The following PCDHGB2 variants were observed in gnomAD, a reference collection of about 807,000 sequenced individuals.
PCDHGB2 encodes protocadherin gamma-B2.
Under a neutral mutation model 59.3 loss-of-function variants are expected in PCDHGB2, and 55 were observed. The observed-to-expected ratio is 0.93, with a 90% confidence interval of 0.75 to 1.16. The LOEUF is 1.16. Ranked by LOEUF, PCDHGB2 falls within the 50% of genes most tolerant of loss-of-function variation. PCDHGB2 has a pLI of 0.00. For missense variants in PCDHGB2, 1,228 were observed against 1,198.5 expected, an observed-to-expected ratio of 1.02 and a Z score of -0.36; for synonymous variants, 516 against 512.0, an observed-to-expected ratio of 1.01 and a Z score of -0.11.
intron 1 of PCDHGB2, chr5:141,399,617 T>G: frequency 6.2e-7 from 1 of 1,613,944 alleles, no homozygotes; most frequent in Non-Finnish European, 8.5e-7. Flanking sequence ...CCTCTGGCAC[T>G]GGCCTCTTAC....
At position 141,477,843 on chromosome 5, in the gene PCDHGB2, C is replaced by T; in HGVS notation, c.2422-16964C>T. The T allele has an allele frequency of 6.2e-7, 1 of 1,613,408 alleles. No homozygotes were observed. Among genetic ancestry groups the T allele is most frequent in the Non-Finnish European group, 8.5e-7 (1 of 1,179,796 alleles). On this transcript the variant is annotated intron_variant, in intron 1 of 3. Coordinates refer to ENST00000522605, the MANE Select transcript of PCDHGB2 (RefSeq NM_018923.3). The surrounding 1 kb of genome is among the most constrained non-coding windows in gnomAD (Gnocchi z 4.9). Reference sequence around the variant, plus strand: ...CTATATCCTCGGCCAGGTGGGAGCTCGGTGGAGATGCTGCCTCGAGGTACC... The same window carrying T: ...CTATATCCTCGGCCAGGTGGGAGCTTGGTGGAGATGCTGCCTCGAGGTACC...
In PCDHGB2 at chr5:141,375,730, C is replaced by A. The variant is rs763067110; in HGVS notation, c.2421+13174C>A. On this transcript the variant is annotated intron_variant, in intron 1 of 3. Coordinates refer to ENST00000522605, the MANE Select transcript of PCDHGB2 (RefSeq NM_018923.3). ...CTCTTAGCAGCAACGTGTCACTGAG[C>A]CTGTTTGTGCTGGACCAGAATGACA... 4 of 1,614,266 alleles carry A rather than the reference C, an allele frequency of 2.5e-6. No homozygotes were observed. Among genetic ancestry groups the A allele is most frequent in the Non-Finnish European group, 3.4e-6 (4 of 1,180,050 alleles).
At position 141,487,137 on chromosome 5, in the gene PCDHGB2, T is replaced by A. The variant is rs2154580779; in HGVS notation, c.2422-7670T>A. ...GTAAAGGATAGTGGTAGTCCACCAC[T>A]CTCTACCTCTGTTACTCTCTTAGTG... On this transcript the variant is annotated intron_variant, in intron 1 of 3. Coordinates refer to ENST00000522605, the MANE Select transcript of PCDHGB2 (RefSeq NM_018923.3). The surrounding 1 kb of genome is among the most constrained non-coding windows in gnomAD (Gnocchi z 5.0). 1.9e-6 allele frequency: 3 copies of A among 1,614,092 alleles called. No individual in the cohort carries two copies. The East Asian group carries it at 6.7e-5, about 36-fold the overall frequency.
At chr5:141,502,815 TTTCC>T in intron 2 of PCDHGB2, among the ~76,000 whole-genome samples, 1 of 151,372 alleles carries the variant, frequency 6.6e-6, no homozygotes, top group East Asian at 1.9e-4. Context: ...TTCACTGTCT[TTTCC>T]TTGGGGAAGC....
chr5:141,410,671 C>G (rs771368781), intron 1 of PCDHGB2: 1 of 1,563,260 alleles, frequency 6.4e-7, no homozygotes, highest in South Asian at 1.2e-5. Context: ...ACTAGTTTCT[C>G]ATATTTTAGG....
Position 141,366,326 on chromosome 5 carries a change from G to A in PCDHGB2, c.2421+3770G>A, listed in dbSNP as rs377206764. ...CTTCACGGTCACCGTTGCCGTGGCCGACAGGATCCCTGACATCCTGGCTGA... is the reference window on the plus strand; with the variant it reads ...CTTCACGGTCACCGTTGCCGTGGCCAACAGGATCCCTGACATCCTGGCTGA... On this transcript the variant is annotated intron_variant, in intron 1 of 3. Coordinates refer to ENST00000522605, the MANE Select transcript of PCDHGB2 (RefSeq NM_018923.3). 4 of 1,613,810 alleles carry A rather than the reference G, an allele frequency of 2.5e-6. No individual in the cohort carries two copies. The African/African-American group carries it at 4.0e-5, about 16-fold the overall frequency.
At chr5:141,499,272 GT>G (rs772636179) in intron 2 of PCDHGB2, among the ~76,000 whole-genome samples, 3 of 152,122 alleles carry the variant, frequency 2.0e-5, no homozygotes, top group Non-Finnish European at 4.4e-5. Flanking sequence ...TCCCTAGACT[GT>G]TCTCTGATGG....
intron 1 of PCDHGB2, among the ~76,000 whole-genome samples, chr5:141,471,999 T>C (rs577046645): frequency 3.9e-5 from 6 of 152,230 alleles, no homozygotes; most frequent in Admixed American, 2.0e-4. Flanking sequence ...AATCCCTGCA[T>C]CGTATAGGGG....
intron 1 of PCDHGB2, among the ~76,000 whole-genome samples, chr5:141,436,477 G>A (rs748354852): frequency 1.3e-5 from 2 of 152,168 alleles, no homozygotes; most frequent in Non-Finnish European, 2.9e-5. Context: ...ATGTATCATA[G>A]AAGGATAGCA....
rs569362520 is a variant in PCDHGB2 at position 141,415,063 on chromosome 5, G to T, written c.2421+52507G>T. ...CGCGGTGGGGGAGCACACGGGCGAG[G>T]TGCGCACGGCGCGAGCCCTGCTGGA... On this transcript the variant is annotated intron_variant, in intron 1 of 3. Coordinates refer to ENST00000522605, the MANE Select transcript of PCDHGB2 (RefSeq NM_018923.3). The T allele has an allele frequency of 3.1e-6, 5 of 1,613,432 alleles. No individual in the cohort carries two copies. The highest frequency in any genetic ancestry group is 3.3e-5 in the Admixed American group (2 of 60,008).
Position 141,392,858 on chromosome 5 carries a change from G to A in PCDHGB2, c.2421+30302G>A, listed in dbSNP as rs764346882. The A allele has an allele frequency of 1.9e-5, 31 of 1,612,486 alleles. No homozygotes were observed. The East Asian group carries it at 6.2e-4, about 32-fold the overall frequency. ...GCCCCAGACGCGGCGAGCTGATCCT[G>A]CTGTGCGCGCTGCTGGGAACGCTGT... On this transcript the variant is annotated intron_variant, in intron 1 of 3. Transcript: ENST00000522605.
chr5:141,412,357 T>A (rs756056496), intron 1 of PCDHGB2: 17 of 152,366 alleles, frequency 1.1e-4, no homozygotes, highest in Middle Eastern at 3.4e-3. Context: ...TAGTTTGTGA[T>A]TACCTGCTTA....
chr5:141,364,963 C>T (rs1763641490), intron 1 of PCDHGB2: 1 of 1,613,822 alleles, frequency 6.2e-7, no homozygotes, highest in Admixed American at 1.7e-5. Context: ...ACGACCTCCT[C>T]CTCACAGCTT....
intron 1 of PCDHGB2, chr5:141,393,121 T>C: frequency 6.2e-7 from 1 of 1,613,428 alleles, no homozygotes; most frequent in Non-Finnish European, 8.5e-7. Context: ...CCGCGGTGTC[T>C]GATAAATATT....
At chr5:141,404,110 C>G (rs1283800962) in intron 1 of PCDHGB2, 1 of 1,613,336 alleles carries the variant, frequency 6.2e-7, no homozygotes, top group South Asian at 1.1e-5. Context: ...TCTGTTCTAT[C>G]CAGGAGAATC....
intron 1 of PCDHGB2, among the ~76,000 whole-genome samples, chr5:141,435,833 A>G (rs1354866725): frequency 6.6e-6 from 1 of 152,112 alleles, no homozygotes; most frequent in Non-Finnish European, 1.5e-5. Flanking sequence ...TTTGCTGCCT[A>G]TCTACTTTGA....
chr5:141,421,109 T>C (rs2096547097), intron 1 of PCDHGB2: 2 of 715,670 alleles, frequency 2.8e-6, no homozygotes, highest in East Asian at 2.8e-5. Flanking sequence ...GACTTAGAAG[T>C]ATTTTCCTTC....
At chr5:141,383,126 C>A in intron 1 of PCDHGB2, 1 of 1,614,062 alleles carries the variant, frequency 6.2e-7, no homozygotes, top group East Asian at 2.2e-5. Context: ...CAGCTTTTCG[C>A]CCTGAACCAG....
At chr5:141,410,403 A>G (rs752705682) in intron 1 of PCDHGB2, 2 of 1,614,028 alleles carry the variant, frequency 1.2e-6, no homozygotes, top group Admixed American at 1.7e-5. Context: ...CTCTGTGTCA[A>G]GTCTGGACCT....
Sources: gnomAD v4.1 joint callset for allele counts (sites outside exome capture counted in the v4.1 genomes callset) on GRCh38, gnomAD v4.1.1 for gene constraint, Gnocchi (gnomAD v3.1) non-coding constraint, MANE v1.5 for transcripts, NCBI Gene and HGNC (gene_info 2026-07-23, HGNC 2026-07-21) for gene names.